Variants in FYN observed in about 807,000 individuals in gnomAD.
FYN encodes FYN proto-oncogene, Src family tyrosine kinase.
FYN carries 10 observed loss-of-function variants against 70.2 expected under a neutral mutation model. The ratio of observed to expected loss-of-function variants is 0.14; its 90% CI spans 0.09 to 0.24. FYN has a LOEUF of 0.24. Among genes scored for constraint, FYN ranks in the 10% least tolerant of loss-of-function variants. FYN has a pLI of 1.00. For synonymous variants in FYN, 236 were observed against 248.6 expected, an observed-to-expected ratio of 0.95 and a Z score of 0.48; for missense variants, 319 against 673.1, an observed-to-expected ratio of 0.47 and a Z score of 5.82.
intron 2 of FYN, among the ~76,000 whole-genome samples, chr6:111,829,094 G>A (rs376904529): frequency 2.0e-5 from 3 of 152,200 alleles, no homozygotes; most frequent in Admixed American, 1.3e-4. Flanking sequence ...CATGCTTTAC[G>A]AAATGAGCTA....
At chr6:111,845,502 G>A (rs1410344898) in intron 2 of FYN, among the ~76,000 whole-genome samples, 3 of 152,210 alleles carry the variant, frequency 2.0e-5, no homozygotes, top group Non-Finnish European at 2.9e-5. Flanking sequence ...CCTGCATGGG[G>A]TCAAAGGTCA....
At chr6:111,705,203 T>C (rs776767132) in intron 6 of FYN, among the ~76,000 whole-genome samples, 1 of 152,138 alleles carries the variant, frequency 6.6e-6, no homozygotes, top group Non-Finnish European at 1.5e-5. Flanking sequence ...TAGATAGATA[T>C]GATATGAATA....
chr6:111,826,267 G>A (rs1772832187), intron 2 of FYN, among the ~76,000 whole-genome samples: 1 of 152,132 alleles, frequency 6.6e-6, no homozygotes. Flanking sequence ...GGCCTTTTCA[G>A]AGCTGGTGTG....
Position 111,661,870 on chromosome 6 carries a change from G to C in FYN, c.1483C>G (p.Leu495Val). Residue 495 changes from leucine (L) to valine (V), a missense_variant, in exon 14 of 14, where the codon CTG becomes GTG. Leu to Val is a conservative substitution (Grantham distance 32, BLOSUM62 1). Around this residue, in one of 4 missense-constraint regions of FYN, gnomAD observed 64 missense variants for 223.0 expected, o/e 0.29. Coordinates refer to ENST00000354650, the MANE Select transcript of FYN (RefSeq NM_002037.5). This position sits in a 1 kb window ranked among gnomAD's most constrained non-coding sequence, Gnocchi z 4.0. Reference sequence around the variant, plus strand: ...CAGCAGTGGATCATGAGCTCATGCAGAGAGATGGGGCAGTCCTGCGGGCAG... The same window carrying C: ...CAGCAGTGGATCATGAGCTCATGCACAGAGATGGGGCAGTCCTGCGGGCAG... ...MPCPQDCPIS[L>V]HELMIHCWKK... 3.1e-6 allele frequency: 5 copies of C among 1,614,208 alleles called. No homozygotes were observed. The highest frequency in any genetic ancestry group is 4.2e-6 in the Non-Finnish European group (5 of 1,180,028).
intron 2 of FYN, among the ~76,000 whole-genome samples, chr6:111,789,714 C>A (rs1771540127): frequency 6.6e-6 from 1 of 152,186 alleles, no homozygotes; most frequent in Non-Finnish European, 1.5e-5. Context: ...AAAACAAAAA[C>A]TCTGTTCTGT....
At position 111,816,377 on chromosome 6, in the gene FYN, T is replaced by C. The variant is rs73766741; in HGVS notation, c.-82+30212A>G. Among the ~76,000 whole-genome samples the C allele has an allele frequency of 1.3e-3, 192 of 152,322 alleles. 1 individual carries two copies. Among genetic ancestry groups the C allele is most frequent in the African/African-American group, 4.4e-3 (184 of 41,568 alleles). ...CTAAAACCAACTAGATTTAAGTCAG[T>C]AGTAATATTTATACAATATCCTTTC... On this transcript the variant is annotated intron_variant, in intron 2 of 13. Coordinates refer to ENST00000354650, the MANE Select transcript of FYN (RefSeq NM_002037.5).
In FYN at chr6:111,687,642, C is replaced by CAGAGAG. The variant is rs374882686; in HGVS notation, c.1273+6727_1273+6732dup. 2.6e-3 allele frequency among the ~76,000 whole-genome samples: 370 copies of CAGAGAG among 144,344 alleles called. 1 individual carries two copies. The highest frequency in any genetic ancestry group is 7.0e-3 in the African/African-American group (270 of 38,422). The allele number at this position is 144,344 out of a possible 152,430, so 94.7% of individuals were successfully genotyped here. On this transcript the variant is annotated intron_variant, in intron 12 of 13. Coordinates refer to ENST00000354650, the MANE Select transcript of FYN (RefSeq NM_002037.5). ...TGTGTGTGTGTGTGTATGTGTGTGT[C>CAGAGAG]AGAGAGAGAGAGAGAGAGAAACACA... is the stretch of plus-strand genomic sequence containing the variant.
At chr6:111,709,809 G>A (rs1800280785) in intron 5 of FYN, among the ~76,000 whole-genome samples, 1 of 152,136 alleles carries the variant, frequency 6.6e-6, no homozygotes, top group South Asian at 2.1e-4. Flanking sequence ...GGTGGGATCT[G>A]CACTGTGCTG....
intron 5 of FYN, among the ~76,000 whole-genome samples, chr6:111,712,967 T>A (rs990114203): frequency 5.9e-5 from 9 of 152,352 alleles, no homozygotes; most frequent in African/African-American, 2.2e-4. Flanking sequence ...GCAACATCAC[T>A]GTGTACACTT....
rs1797728156 is a variant in FYN at position 111,661,494 on chromosome 6, G to A, written c.*245C>T. On this transcript the variant is annotated 3_prime_UTR_variant, in exon 14 of 14. Transcript: ENST00000354650. This position sits in a 1 kb window ranked among gnomAD's most constrained non-coding sequence, Gnocchi z 4.0. Reference sequence around the variant, plus strand: ...GAGGTTTGGCCTTTTACATAACATCGATACAATGCATTTTCCAAAGTCTGA... The same window carrying A: ...GAGGTTTGGCCTTTTACATAACATCAATACAATGCATTTTCCAAAGTCTGA... The A allele has an allele frequency of 6.3e-6, 3 of 476,420 alleles. No individual in the cohort carries two copies. Among genetic ancestry groups the A allele is most frequent in the Non-Finnish European group, 1.1e-5 (3 of 265,832 alleles). The allele number at this position is 476,420 out of a possible 1,614,324, so 29.5% of individuals were successfully genotyped here.
intron 1 of FYN, among the ~76,000 whole-genome samples, chr6:111,863,246 A>C (rs969825342): frequency 6.6e-6 from 1 of 152,242 alleles, no homozygotes; most frequent in Non-Finnish European, 1.5e-5. Context: ...CAGCAACTAG[A>C]GAAACCATTA....
At chr6:111,674,051 C>G (rs1798428749) in intron 13 of FYN, among the ~76,000 whole-genome samples, 1 of 152,182 alleles carries the variant, frequency 6.6e-6, no homozygotes. Context: ...GAGAACAGGT[C>G]CTGGCACCTT....
chr6:111,811,475 T>C (rs1772322799), intron 2 of FYN, among the ~76,000 whole-genome samples: 1 of 152,220 alleles, frequency 6.6e-6, no homozygotes, highest in African/African-American at 2.4e-5. Context: ...GTTTCACAAA[T>C]AGACTTGTTT....
chr6:111,766,327 C>T (rs1326795048), intron 3 of FYN, among the ~76,000 whole-genome samples: 1 of 152,126 alleles, frequency 6.6e-6, no homozygotes, highest in Admixed American at 6.6e-5. Flanking sequence ...AGCTCACCTC[C>T]CACACCATCA....
intron 2 of FYN, among the ~76,000 whole-genome samples, chr6:111,802,845 A>T (rs1772032667): frequency 6.6e-6 from 1 of 152,314 alleles, no homozygotes; most frequent in East Asian, 1.9e-4. Flanking sequence ...GGAACGTAGT[A>T]GAGCCACAGT....
intron 9 of FYN, among the ~76,000 whole-genome samples, chr6:111,697,319 C>A (rs920339994): frequency 1.5e-4 from 23 of 152,152 alleles, no homozygotes; most frequent in Admixed American, 1.0e-3. Context: ...TACCTAGGTT[C>A]TTTGTGTATT....
chr6:111,704,330 G>A (rs1583333650), intron 6 of FYN, among the ~76,000 whole-genome samples: 3 of 152,068 alleles, frequency 2.0e-5, no homozygotes, highest in African/African-American at 2.4e-5. Context: ...TTGAGTTGTG[G>A]GTTGTTTTCC....
In FYN at chr6:111,745,688, C is replaced by T. The variant is rs6930674; in HGVS notation, c.-11-25626G>A. Among the ~76,000 whole-genome samples the T allele has an allele frequency of 3.3e-5, 5 of 152,136 alleles. No homozygotes were observed. The East Asian group carries it at 9.7e-4, about 29-fold the overall frequency. ...TTCAGAAACAGTGCTTAACAACAGGCAGCATGTTCTGGAGGGAGAAGGTGA... is the reference window on the plus strand; with the variant it reads ...TTCAGAAACAGTGCTTAACAACAGGTAGCATGTTCTGGAGGGAGAAGGTGA... On this transcript the variant is annotated intron_variant, in intron 3 of 13. Transcript: ENST00000354650.
In FYN at chr6:111,868,682, G is replaced by A. The variant is rs201330675; in HGVS notation, c.-123+4286C>T. Reference sequence around the variant, plus strand: ...GTAGTATTTTGAATATTACCTAGTGGCTAAGGGCAAAGGCTTTGGAACCAA... The same window carrying A: ...GTAGTATTTTGAATATTACCTAGTGACTAAGGGCAAAGGCTTTGGAACCAA... On this transcript the variant is annotated intron_variant, in intron 1 of 13. Coordinates refer to ENST00000354650, the MANE Select transcript of FYN (RefSeq NM_002037.5). 2.6e-5 allele frequency among the ~76,000 whole-genome samples: 4 copies of A among 152,050 alleles called. No homozygotes were observed. In the East Asian group the frequency reaches 7.7e-4, roughly 29 times the overall value.
Sources: allele counts gnomAD v4.1 joint callset (sites outside exome capture counted in the v4.1 genomes callset), GRCh38; gene constraint gnomAD v4.1.1; regional missense constraint gnomAD v4.1.1; non-coding constraint Gnocchi (gnomAD v3.1); transcripts MANE v1.5; gene names NCBI Gene and HGNC (gene_info 2026-07-23, HGNC 2026-07-21).